The following PTP4A2 variants were observed in gnomAD, a reference collection of about 807,000 sequenced individuals.
PTP4A2 encodes the protein protein tyrosine phosphatase type IVA 2.
PTP4A2 carries 2 observed loss-of-function variants against 22.9 expected under a neutral mutation model. The ratio of observed to expected loss-of-function variants is 0.09; its 90% CI spans 0.04 to 0.27. PTP4A2 has a LOEUF of 0.27. Among genes scored for constraint, PTP4A2 ranks in the 10% least tolerant of loss-of-function variants. The pLI, the probability that PTP4A2 is intolerant of heterozygous loss-of-function variation, is 1.00. For synonymous variants in PTP4A2, 68 were observed against 69.1 expected (o/e 0.98, Z 0.08); for missense variants, 103 against 205.1 (o/e 0.50, Z 3.04).
chr1:31,916,035 A>C (rs1287660946), intron 2 of PTP4A2, 48 bp from the exon 3 acceptor site: 9 of 1,312,016 alleles, frequency 6.9e-6, no homozygotes, highest in Non-Finnish European at 9.5e-6. Context: ...TGAAACCTAC[A>C]GCCAAAAATG....
Position 31,907,415 on chromosome 1 carries a change from C to T in PTP4A2, c.*1437G>A, listed in dbSNP as rs746168051. The stretch of plus-strand genomic sequence containing the variant: ...CTTTTCTAGATCAGTACACTAAACC[C>T]AGCCAAGAATCTGCAAAAATGCTAC... On this transcript the variant is annotated 3_prime_UTR_variant, in exon 6 of 6. Transcript: ENST00000647444. The T allele has an allele frequency of 1.3e-5, 2 of 152,210 alleles. No individual in the cohort carries two copies. Among genetic ancestry groups the T allele is most frequent in the Non-Finnish European group, 2.9e-5 (2 of 68,062 alleles). 9.4% of individuals were successfully genotyped at this position (152,210 alleles called of 1,614,324 possible).
At chr1:31,912,062 C>G (rs1455933057) in intron 3 of PTP4A2, among the ~76,000 whole-genome samples, 1 of 152,176 alleles carries the variant, frequency 6.6e-6, no homozygotes, top group East Asian at 1.9e-4. Flanking sequence ...TTTACAAAAA[C>G]TTACAGAAAT....
At chr1:31,918,119 G>A (rs1218920181) in intron 2 of PTP4A2, among the ~76,000 whole-genome samples, 1 of 151,802 alleles carries the variant, frequency 6.6e-6, no homozygotes, top group East Asian at 1.9e-4. Context: ...AGTGGTGGCA[G>A]GTGCCTGTAG....
At position 31,908,097 on chromosome 1, in the gene PTP4A2, T is replaced by C. The variant is rs1651272784; in HGVS notation, c.*755A>G. ...TGAACACCCTTTCATCAGTAAAGAC[T>C]AAAAACCACCTGGAAAATATATATA... On this transcript the variant is annotated 3_prime_UTR_variant, in exon 6 of 6. Transcript: ENST00000647444. 1 of 82,570 alleles carries C rather than the reference T, an allele frequency of 1.2e-5. No homozygotes were observed. The highest frequency in any genetic ancestry group is 2.2e-5 in the Non-Finnish European group (1 of 45,118). 5.1% of individuals were successfully genotyped at this position (82,570 alleles called of 1,614,324 possible).
chr1:31,922,732 A>T (rs1016317288), intron 1 of PTP4A2, among the ~76,000 whole-genome samples: 2 of 151,294 alleles, frequency 1.3e-5, no homozygotes, highest in Non-Finnish European at 2.9e-5. Context: ...GTCTCAAGCG[A>T]TCCTCCCACC....
intron 1 of PTP4A2, among the ~76,000 whole-genome samples, chr1:31,927,542 GT>G (rs1652523256): frequency 1.3e-5 from 2 of 152,112 alleles, no homozygotes; most frequent in Admixed American, 1.3e-4. Flanking sequence ...GAAAAAAAGA[GT>G]GATAACTTAG....
At position 31,937,989 on chromosome 1, in the gene PTP4A2, T is replaced by C. The variant is rs1232738625; in HGVS notation, c.-596A>G. On this transcript the variant is annotated splice_region_variant and 5_prime_UTR_variant, in exon 1 of 6. Coordinates refer to ENST00000647444, the MANE Select transcript of PTP4A2 (RefSeq NM_080391.4). Reference sequence around the variant, plus strand: ...CCGCCCGGGAGGGGCGCACTCACGCTGGCGAGCTGGGGACTGGGCATTGAA... The same window carrying C: ...CCGCCCGGGAGGGGCGCACTCACGCCGGCGAGCTGGGGACTGGGCATTGAA... 2.6e-5 allele frequency: 4 copies of C among 151,806 alleles called. No homozygotes were observed. The highest frequency in any genetic ancestry group is 3.2e-3 in the Middle Eastern group (1 of 316). 9.4% of individuals were successfully genotyped at this position (151,806 alleles called of 1,614,324 possible). A position where few individuals can be genotyped will look rare whatever the true frequency, so the allele number is the denominator to read the frequency against.
chr1:31,909,970 T>G, intron 5 of PTP4A2, 68 bp downstream of exon 5: 1 of 1,371,952 alleles, frequency 7.3e-7, no homozygotes, highest in Admixed American at 1.8e-5. Flanking sequence ...TGAATATCCC[T>G]TCCATAATTC....
At chr1:31,916,606 G>A (rs1314414155) in intron 2 of PTP4A2, among the ~76,000 whole-genome samples, 4 of 151,976 alleles carry the variant, frequency 2.6e-5, no homozygotes, top group Non-Finnish European at 5.9e-5. Context: ...AATAATTAAA[G>A]ACATATACAA....
In PTP4A2 at chr1:31,906,780, ACACACACC is replaced by A. The variant is rs201768500; in HGVS notation, c.*2064_*2071del. On this transcript the variant is annotated 3_prime_UTR_variant, in exon 6 of 6. Transcript: ENST00000647444. ...TACACACACACACACACACACACAC[ACACACACC>A]CCCTCCCCCCAAACAACAAAATTCA... 17,007 of 149,954 alleles carry A rather than the reference ACACACACC, an allele frequency of 0.11. 1,261 individuals carry two copies. Among genetic ancestry groups the A allele is most frequent in the East Asian group, 0.36 (1,834 of 5,104 alleles). The allele number at this position is 149,954 out of a possible 1,614,324, so 9.3% of individuals were successfully genotyped here. A position where few individuals can be genotyped will look rare whatever the true frequency, so the allele number is the denominator to read the frequency against.
At chr1:31,909,958 A>C in intron 5 of PTP4A2, 80 bp downstream of exon 5, 1 of 1,297,360 alleles carries the variant, frequency 7.7e-7, no homozygotes, top group Non-Finnish European at 1.1e-6. Context: ...CCATACTATA[A>C]ATGAATATCC....
At chr1:31,914,094 A>G (rs1484274108) in intron 3 of PTP4A2, 4 of 376,220 alleles carry the variant, frequency 1.1e-5, no homozygotes, top group Non-Finnish European at 2.1e-5. Context: ...ATTGACTGAC[A>G]AGGTCTCTGT....
At chr1:31,936,644 A>C (rs1652945337) in intron 1 of PTP4A2, among the ~76,000 whole-genome samples, 1 of 152,190 alleles carries the variant, frequency 6.6e-6, no homozygotes, top group Admixed American at 6.5e-5. Context: ...AGTCCATGAT[A>C]ATAATTAGTC....
intron 3 of PTP4A2, chr1:31,915,684 T>C: frequency 2.7e-6 from 1 of 373,724 alleles, no homozygotes; most frequent in East Asian, 4.4e-5. Context: ...GGACCACAGG[T>C]GTGCACCAAC....
chr1:31,914,337 G>C (rs1340127347), intron 3 of PTP4A2: 2 of 454,268 alleles, frequency 4.4e-6, no homozygotes, highest in South Asian at 1.6e-5. Context: ...AGAGTGGTGG[G>C]AACAGGCATG....
rs191199402 is a variant in PTP4A2 at position 31,919,196 on chromosome 1, G to C, written c.-131C>G. 2.0e-6 allele frequency: 1 copy of C among 509,230 alleles called. No homozygotes were observed. The highest frequency in any genetic ancestry group is 3.4e-5 in the East Asian group (1 of 29,728). The allele number at this position is 509,230 out of a possible 1,614,324, so 31.5% of individuals were successfully genotyped here. A position where few individuals can be genotyped will look rare whatever the true frequency, so the allele number is the denominator to read the frequency against. On this transcript the variant is annotated 5_prime_UTR_variant, in exon 2 of 6. Coordinates refer to ENST00000647444, the MANE Select transcript of PTP4A2 (RefSeq NM_080391.4). ...CCACTAAAATGCCTATTATCAATCA[G>C]TGTTTTCTCTATTCAACTTGTTTAT...
intron 1 of PTP4A2, among the ~76,000 whole-genome samples, chr1:31,920,386 T>C (rs1405639521): frequency 6.6e-6 from 1 of 151,246 alleles, no homozygotes; most frequent in African/African-American, 2.4e-5. Context: ...GAGGTTGCAG[T>C]GAGCTGAGAT....
chr1:31,912,941 C>A, intron 3 of PTP4A2: 1 of 433,454 alleles, frequency 2.3e-6, no homozygotes. Context: ...TTATAAATGT[C>A]ACTAGAGAGT....
intron 2 of PTP4A2, among the ~76,000 whole-genome samples, chr1:31,916,935 C>CT (rs1651879321): frequency 6.6e-6 from 1 of 151,864 alleles, no homozygotes; most frequent in African/African-American, 2.4e-5. Context: ...AATAAACATG[C>CT]TTTTTTTAAA....
Sources: gnomAD v4.1 joint callset for allele counts (sites outside exome capture counted in the v4.1 genomes callset) on GRCh38, gnomAD v4.1.1 for gene constraint, MANE v1.5 for transcripts, NCBI Gene and HGNC (gene_info 2026-07-23, HGNC 2026-07-21) for gene names.